The following ATXN1 variants were observed in gnomAD, a reference collection of about 807,000 sequenced individuals.
ATXN1 encodes ataxin-1.
A neutral mutation model predicts 56.4 loss-of-function variants in ATXN1; 8 were observed. The observed-to-expected ratio is 0.14, with a 90% CI of 0.08 to 0.26. ATXN1 has a LOEUF of 0.26. Ranked by LOEUF, ATXN1 falls within the 10% of genes least tolerant of loss-of-function variation. The pLI, the probability that ATXN1 is intolerant of heterozygous loss-of-function variation, is 1.00. For missense variants in ATXN1, 987 were observed against 1,106.5 expected (o/e 0.89, Z 1.53); for synonymous variants, 514 against 494.6 (o/e 1.04, Z -0.52).
intron 3 of ATXN1, among the ~76,000 whole-genome samples, chr6:16,596,554 T>C (rs1397647820): frequency 2.0e-5 from 3 of 152,224 alleles, no homozygotes; most frequent in Non-Finnish European, 4.4e-5. Flanking sequence ...TGGATTCCTA[T>C]GTCACGTTAA....
intron 6 of ATXN1, among the ~76,000 whole-genome samples, chr6:16,395,516 A>G (rs1271161228): frequency 6.6e-6 from 1 of 152,174 alleles, no homozygotes; most frequent in Non-Finnish European, 1.5e-5. Flanking sequence ...TGTCCAATGT[A>G]ATAGTGTAAT....
chr6:16,390,679 A>ACACACAC (rs1554142730), intron 6 of ATXN1, among the ~76,000 whole-genome samples: 1 of 106,278 alleles, frequency 9.4e-6, no homozygotes, highest in Non-Finnish European at 1.8e-5. Context: ...AAATAAACAC[A>ACACACAC]TCACACACAC....
intron 2 of ATXN1, among the ~76,000 whole-genome samples, chr6:16,736,587 T>C (rs1371180798): frequency 6.6e-6 from 1 of 152,236 alleles, no homozygotes; most frequent in Non-Finnish European, 1.5e-5. Context: ...GAGATACTGA[T>C]TACTCACAAG....
At chr6:16,711,624 A>G (rs707845) in intron 2 of ATXN1, among the ~76,000 whole-genome samples, 84,657 of 150,538 alleles carry the variant, frequency 0.56, 24,107 homozygotes, top group South Asian at 0.67. Flanking sequence ...ATAGATATAG[A>G]TTGTTTGTTT....
chr6:16,311,475 A>G (rs1760388596), intron 7 of ATXN1, among the ~76,000 whole-genome samples: 1 of 152,216 alleles, frequency 6.6e-6, no homozygotes, highest in Non-Finnish European at 1.5e-5. Flanking sequence ...GCATGAGCTC[A>G]TGGGCTTGTT....
At chr6:16,519,447 C>T (rs1761245392) in intron 5 of ATXN1, among the ~76,000 whole-genome samples, 1 of 152,210 alleles carries the variant, frequency 6.6e-6, no homozygotes, top group Non-Finnish European at 1.5e-5. Flanking sequence ...GAAACTGCCT[C>T]TCTGGTAAGA....
chr6:16,737,048 C>CA (rs1333644793), intron 2 of ATXN1: 2 of 152,144 alleles, frequency 1.3e-5, no homozygotes, highest in African/African-American at 4.8e-5. Flanking sequence ...ATCTAACAGT[C>CA]AAACAAACCT....
Position 16,698,484 on chromosome 6 carries a change from T to G in ATXN1, c.-614-40583A>C, listed in dbSNP as rs373848610. Among the ~76,000 whole-genome samples the G allele has an allele frequency of 5.3e-5, 8 of 152,250 alleles. No individual in the cohort carries two copies. In the East Asian group the frequency reaches 9.6e-4, roughly 18 times the overall value. The stretch of plus-strand genomic sequence containing the variant: ...AACATCTCAACAGCTACGGCACACA[T>G]GCAGTCATTAAAGACTGTTCAGCAT... On this transcript the variant is annotated intron_variant, in intron 2 of 7. Coordinates refer to ENST00000436367, the MANE Select transcript of ATXN1 (RefSeq NM_001128164.2).
intron 3 of ATXN1, among the ~76,000 whole-genome samples, chr6:16,648,329 A>G (rs1212738794): frequency 6.6e-6 from 1 of 152,180 alleles, no homozygotes; most frequent in Non-Finnish European, 1.5e-5. Context: ...CACCTACTAT[A>G]TTGAGAGGCA....
intron 2 of ATXN1, among the ~76,000 whole-genome samples, chr6:16,674,919 G>T (rs898578165): frequency 6.6e-6 from 1 of 152,168 alleles, no homozygotes; most frequent in Admixed American, 6.5e-5. Context: ...CATGTGAAAA[G>T]ATCCTGTTTT....
At chr6:16,436,540 G>C (rs1476010530) in intron 6 of ATXN1, among the ~76,000 whole-genome samples, 1 of 152,112 alleles carries the variant, frequency 6.6e-6, no homozygotes, top group Non-Finnish European at 1.5e-5. Flanking sequence ...AACTTTTGGG[G>C]AAAAGCCTGA....
intron 7 of ATXN1, among the ~76,000 whole-genome samples, chr6:16,317,759 T>G (rs896727630): frequency 2.0e-5 from 3 of 151,752 alleles, no homozygotes; most frequent in Admixed American, 6.6e-5. Context: ...CTCCCACTGC[T>G]GCCAGCAAGC....
chr6:16,333,705 C>T (rs1023925892), intron 6 of ATXN1, among the ~76,000 whole-genome samples: 1 of 152,110 alleles, frequency 6.6e-6, no homozygotes, highest in African/African-American at 2.4e-5. Flanking sequence ...GGAAAAACTA[C>T]GTATGCAAAC....
At chr6:16,575,729 G>C (rs1172624481) in intron 4 of ATXN1, among the ~76,000 whole-genome samples, 1 of 152,158 alleles carries the variant, frequency 6.6e-6, no homozygotes, top group Admixed American at 6.5e-5. Flanking sequence ...AGACCTACAG[G>C]CACATTTGCA....
rs145392716 is a variant in ATXN1, at chr6:16,539,112, A to G, written c.-360-16424T>C. Among the ~76,000 whole-genome samples the G allele has an allele frequency of 2.6e-3, 394 of 152,326 alleles. 1 individual carries two copies. The highest frequency in any genetic ancestry group is 8.5e-3 in the African/African-American group (353 of 41,582). On this transcript the variant is annotated intron_variant, in intron 4 of 7. Transcript: ENST00000436367. ...CCATGCAGAAAGGACCAGTTCAGCAACAGCAGGGATGCTGGCAGGTAGGTT... is the reference window on the plus strand; with the variant it reads ...CCATGCAGAAAGGACCAGTTCAGCAGCAGCAGGGATGCTGGCAGGTAGGTT...
chr6:16,316,865 C>CTTTTTTTA (rs1195095973), intron 7 of ATXN1, among the ~76,000 whole-genome samples: 1 of 99,500 alleles, frequency 1.0e-5, no homozygotes, highest in African/African-American at 5.1e-5. Context: ...GACTGCCTGT[C>CTTTTTTTA]TTTTTTTTTT....
chr6:16,314,039 G>A (rs1760457452), intron 7 of ATXN1, among the ~76,000 whole-genome samples: 1 of 152,236 alleles, frequency 6.6e-6, no homozygotes, highest in Admixed American at 6.5e-5. Context: ...CATGAAAGCT[G>A]AGGTGGGAGC....
chr6:16,455,528 A>G (rs1759848471), intron 6 of ATXN1, among the ~76,000 whole-genome samples: 1 of 152,210 alleles, frequency 6.6e-6, no homozygotes, highest in African/African-American at 2.4e-5. Flanking sequence ...AAAGCTAAAC[A>G]TACTCTTAAC....
At chr6:16,499,172 TGTATATG>T (rs1285340685) in intron 5 of ATXN1, among the ~76,000 whole-genome samples, 1 of 152,208 alleles carries the variant, frequency 6.6e-6, no homozygotes, top group Non-Finnish European at 1.5e-5. Context: ...AGTTCATTTT[TGTATATG>T]GTGTGAGGTA....
Sources: allele counts gnomAD v4.1 joint callset (sites outside exome capture counted in the v4.1 genomes callset), GRCh38; gene constraint gnomAD v4.1.1; transcripts MANE v1.5; gene names NCBI Gene and HGNC (gene_info 2026-07-23, HGNC 2026-07-21).